The following UNC5C variants were observed in gnomAD, a reference collection of about 807,000 sequenced individuals.
UNC5C encodes the protein netrin receptor UNC5C.
UNC5C carries 47 observed loss-of-function variants against 99.8 expected under a neutral mutation model. That is an observed-to-expected ratio of 0.47 (90% CI 0.37 to 0.60). The LOEUF (loss-of-function observed/expected upper bound fraction) is 0.60. Among genes scored for constraint, UNC5C ranks in the 20% least tolerant of loss-of-function variants. The pLI is 0.00. For missense variants in UNC5C, 1,062 were observed against 1,165.9 expected (o/e 0.91, Z 1.30); for synonymous variants, 487 against 452.2 (o/e 1.08, Z -0.98).
intron 2 of UNC5C, among the ~76,000 whole-genome samples, chr4:95,308,890 A>G (rs899640210): frequency 1.3e-4 from 20 of 152,088 alleles, no homozygotes; most frequent in Non-Finnish European, 2.9e-4. Context: ...TGAAATCCAT[A>G]TCAAAACTCC....
At chr4:95,538,442 G>A (rs1226492796) in intron 1 of UNC5C, among the ~76,000 whole-genome samples, 1 of 152,148 alleles carries the variant, frequency 6.6e-6, no homozygotes, top group African/African-American at 2.4e-5. Context: ...TCTGGAGTCC[G>A]CTGTTATCTT....
intron 4 of UNC5C, among the ~76,000 whole-genome samples, chr4:95,256,214 C>A (rs978117388): frequency 4.0e-5 from 6 of 151,190 alleles, no homozygotes; most frequent in African/African-American, 1.4e-4. Context: ...CAGTCTCACA[C>A]AGATGACTCC....
intron 2 of UNC5C, among the ~76,000 whole-genome samples, chr4:95,328,633 A>G (rs1212544770): frequency 6.9e-6 from 1 of 144,096 alleles, no homozygotes; most frequent in Non-Finnish European, 1.5e-5. Context: ...TCCCTGAGGA[A>G]TCGCCACACT....
rs1480813025 is a variant in UNC5C, at chr4:95,202,958, C to T, written c.1909G>A (p.Val637Met). The stretch of plus-strand genomic sequence containing the variant: ...GTGAAGTTTTCCTCCCCGACCACCA[C>T]CACATCCTGGGGGACAAGAGGGAAG... ...QAAQGQWEDV[V>M]VVGEENFTTP... Residue 637 changes from valine (V) to methionine (M), a missense_variant, in exon 12 of 16, where the codon GTG (valine) becomes ATG (methionine). By Grantham distance (21) the Val-to-Met change is conservative. Transcript: ENST00000453304. 7.4e-6 allele frequency: 12 copies of T among 1,613,962 alleles called. No individual in the cohort carries two copies. The highest frequency in any genetic ancestry group is 1.0e-5 in the Non-Finnish European group (12 of 1,180,028).
chr4:95,448,234 G>GAGAGAGAGAGAGAGAGAGAGAC (rs1747174477), intron 1 of UNC5C, among the ~76,000 whole-genome samples: 2 of 143,362 alleles, frequency 1.4e-5, no homozygotes, highest in African/African-American at 5.2e-5. Context: ...GTGTGAGAGA[G>GAGAGAGAGAGAGAGAGAGAGAC]AGAGAGAGAG....
chr4:95,254,492 G>A (rs555336456), intron 4 of UNC5C, among the ~76,000 whole-genome samples: 3 of 152,274 alleles, frequency 2.0e-5, no homozygotes, highest in African/African-American at 7.2e-5. Flanking sequence ...CTCCCCAAGG[G>A]TTGTAATTTA....
chr4:95,265,009 C>T lies in UNC5C; in HGVS notation c.594+13250G>A, dbSNP rs192757554. Among the ~76,000 whole-genome samples, 421 of 152,268 alleles carry T rather than the reference C, an allele frequency of 2.8e-3. 6 individuals carry two copies. The highest frequency in any genetic ancestry group is 3.1e-3 in the Non-Finnish European group (211 of 68,028). ...ATGGTCCTTTGTCCTGCATCAGAAT[C>T]ACCTGGGGAGCGCTTAAGCCATCCT... On this transcript the variant is annotated intron_variant, in intron 4 of 15. Transcript: ENST00000453304.
intron 1 of UNC5C, among the ~76,000 whole-genome samples, chr4:95,478,135 C>T (rs1056329471): frequency 6.6e-5 from 10 of 151,976 alleles, no homozygotes; most frequent in South Asian, 2.1e-4. Flanking sequence ...TTAGTCCTTA[C>T]ACCCACTCTT....
At chr4:95,379,997 T>G (rs34023803) in intron 1 of UNC5C, among the ~76,000 whole-genome samples, 15,445 of 152,238 alleles carry the variant, frequency 0.1, 848 homozygotes, top group Admixed American at 0.15. Flanking sequence ...CAGCATTTGT[T>G]TCATTGATTA....
At chr4:95,174,260 T>C (rs2149345363) in intron 14 of UNC5C, among the ~76,000 whole-genome samples, 1 of 152,178 alleles carries the variant, frequency 6.6e-6, no homozygotes, top group South Asian at 2.1e-4. Context: ...GCTCTGATTT[T>C]AGTTATTTCT....
chr4:95,279,702 G>A (rs1251310026), intron 3 of UNC5C, among the ~76,000 whole-genome samples: 1 of 152,100 alleles, frequency 6.6e-6, no homozygotes, highest in Non-Finnish European at 1.5e-5. Flanking sequence ...CCTCTGTTCT[G>A]TTATCCCAGG....
At chr4:95,529,225 C>T (rs1447019046) in intron 1 of UNC5C, among the ~76,000 whole-genome samples, 2 of 149,136 alleles carry the variant, frequency 1.3e-5, no homozygotes, top group African/African-American at 2.5e-5. Context: ...TTTTTTCCTC[C>T]ATTAAAAAAA....
In UNC5C at chr4:95,301,715, C is replaced by G; in HGVS notation, c.381G>C (p.Ser127=). 6.2e-7 allele frequency: 1 copy of G among 1,613,056 alleles called. No individual in the cohort carries two copies. The highest frequency in any genetic ancestry group is 2.2e-5 in the East Asian group (1 of 44,830). Residue 127 remains serine (S), a synonymous_variant, in exon 3 of 16, where the codon TCG becomes TCC. Coordinates refer to ENST00000453304, the MANE Select transcript of UNC5C (RefSeq NM_003728.4). The part of the protein sequence containing the change: ...LIVREVSIEI[S]RQQVEELFGP... ...CAAAGAGTTCTTCCACTTGCTGGCG[C>G]GAAATCTCAATGCTCACTTCCCGGA...
intron 1 of UNC5C, among the ~76,000 whole-genome samples, chr4:95,478,529 C>T (rs573946346): frequency 6.6e-6 from 1 of 152,054 alleles, no homozygotes; most frequent in South Asian, 2.1e-4. Flanking sequence ...GATGTTGATG[C>T]CCCTTTCAAT....
At chr4:95,424,518 C>CTTTTTTTTTTTATTTTTTTTTT (rs1746412091) in intron 1 of UNC5C, among the ~76,000 whole-genome samples, 1 of 67,952 alleles carries the variant, frequency 1.5e-5, no homozygotes, top group Non-Finnish European at 2.7e-5. Flanking sequence ...TTTTTCTTTT[C>CTTTTTTTTTTTATTTTTTTTTT]TTTTTTTTTT....
At chr4:95,481,175 A>T (rs1277466442) in intron 1 of UNC5C, among the ~76,000 whole-genome samples, 1 of 151,378 alleles carries the variant, frequency 6.6e-6, no homozygotes, top group Non-Finnish European at 1.5e-5. Context: ...AGGATACAAA[A>T]TCAATGTACA....
chr4:95,330,939 A>G (rs529558204), intron 2 of UNC5C, among the ~76,000 whole-genome samples: 1 of 152,230 alleles, frequency 6.6e-6, no homozygotes, highest in African/African-American at 2.4e-5. Flanking sequence ...GTACCTATTA[A>G]GTAATTTCTC....
intron 3 of UNC5C, among the ~76,000 whole-genome samples, chr4:95,279,617 T>C (rs1740982412): frequency 1.3e-5 from 2 of 152,354 alleles, no homozygotes; most frequent in South Asian, 4.1e-4. Context: ...TTTTATTTCA[T>C]GCATGTACAG....
Position 95,245,051 on chromosome 4 carries a change from G to A in UNC5C, c.869C>T (p.Pro290Leu), listed in dbSNP as rs559427223. 15 of 1,613,922 alleles carry A rather than the reference G, an allele frequency of 9.3e-6. No homozygotes were observed. The highest frequency in any genetic ancestry group is 2.2e-5 in the South Asian group (2 of 91,056). ...YQKRTRTCTN[P>L]APLNGGAFCE... ...GAAGGCACCCCCATTGAGTGGTGCCGGGTTGGTACAAGTCCTTGTACGTTT... is the reference window on the plus strand; with the variant it reads ...GAAGGCACCCCCATTGAGTGGTGCCAGGTTGGTACAAGTCCTTGTACGTTT... Residue 290 changes from proline to leucine, a missense_variant, in exon 6 of 16, where the codon CCG becomes CTG. By Grantham distance (98) the Pro-to-Leu change is moderately conservative. Coordinates refer to ENST00000453304, the MANE Select transcript of UNC5C (RefSeq NM_003728.4).
Sources: gnomAD v4.1 joint callset for allele counts (sites outside exome capture counted in the v4.1 genomes callset) on GRCh38, gnomAD v4.1.1 for gene constraint, MANE v1.5 for transcripts, NCBI Gene and HGNC (gene_info 2026-07-23, HGNC 2026-07-21) for gene names.